Variants in KIAA1755 observed in about 807,000 individuals in gnomAD.
The protein encoded by KIAA1755 is uncharacterized protein KIAA1755.
KIAA1755 carries 68 observed loss-of-function variants against 91.7 expected under a neutral mutation model. The observed-to-expected ratio is 0.74, with a 90% CI of 0.61 to 0.91. The LOEUF is 0.91. KIAA1755 is among the 40% of genes least tolerant of loss of function. The pLI, the probability that KIAA1755 is intolerant of heterozygous loss-of-function variation, is 0.00. For synonymous variants in KIAA1755, 610 were observed against 604.6 expected (o/e 1.01, Z -0.13); for missense variants, 1,535 against 1,494.4 (o/e 1.03, Z -0.45).
intron 1 of KIAA1755, among the ~76,000 whole-genome samples, chr20:38,250,500 G>GTC (rs2076230647): frequency 7.2e-6 from 1 of 138,102 alleles, no homozygotes; most frequent in African/African-American, 2.7e-5. Context: ...GTGTGTGTGT[G>GTC]TGTGTGTGTG....
intron 1 of KIAA1755, among the ~76,000 whole-genome samples, chr20:38,257,271 G>C (rs766078204): frequency 3.9e-4 from 60 of 152,244 alleles, no homozygotes; most frequent in Middle Eastern, 6.8e-3. Context: ...CAGGTATGTG[G>C]GCAATGTTGA....
In KIAA1755 at chr20:38,247,744, C is replaced by A. The variant is rs144247677; in HGVS notation, c.4-1618G>T. Among the ~76,000 whole-genome samples the A allele has an allele frequency of 3.3e-5, 5 of 152,288 alleles. No individual in the cohort carries two copies. The East Asian group carries it at 7.7e-4, about 24-fold the overall frequency. The stretch of plus-strand genomic sequence containing the variant: ...CCATCCTGGATTAGACAAATGGGCC[C>A]AGTGTAATCACCAGGTGGAAGAGGA... On this transcript the variant is annotated intron_variant, in intron 1 of 13. Transcript: ENST00000279024.
intron 5 of KIAA1755, among the ~76,000 whole-genome samples, chr20:38,230,376 T>C (rs1205416): frequency 0.95 from 143,979 of 152,298 alleles, 68,085 homozygotes; most frequent in East Asian, 1. Context: ...AAGCCTTCCC[T>C]GATTTCCCAA....
intron 13 of KIAA1755, 197 bp downstream of exon 13, chr20:38,217,056 C>A (rs1281374268): frequency 1.6e-6 from 1 of 640,208 alleles, no homozygotes; most frequent in Non-Finnish European, 2.8e-6. Flanking sequence ...GTATCCCTGT[C>A]CCTGCTGTGC....
chr20:38,255,635 G>T (rs2076328362), intron 1 of KIAA1755, among the ~76,000 whole-genome samples: 1 of 152,186 alleles, frequency 6.6e-6, no homozygotes. Context: ...TGGCTGCCAG[G>T]AAGTTCTTGC....
At chr20:38,215,977 C>A (rs966574087) in intron 13 of KIAA1755, among the ~76,000 whole-genome samples, 1 of 152,116 alleles carries the variant, frequency 6.6e-6, no homozygotes, top group African/African-American at 2.4e-5. Flanking sequence ...AGCTGTGTGA[C>A]CCTGGGTGAG....
chr20:38,213,277 G>A lies in KIAA1755; in HGVS notation c.3368C>T (p.Ala1123Val), dbSNP rs867311806. ...PRGEQNRTFQ[A>V]GSPPQEAGQA... ...GCCAGCTTCCTGGGGTGGAGAGCCTGCCTGGAAAGTTCTGTTCTGTTCCCC... is the reference window on the plus strand; with the variant it reads ...GCCAGCTTCCTGGGGTGGAGAGCCTACCTGGAAAGTTCTGTTCTGTTCCCC... Residue 1123 changes from alanine (A) to valine (V), a missense_variant, in exon 14 of 14, where the codon GCA becomes GTA. Coordinates refer to ENST00000279024, the MANE Select transcript of KIAA1755 (RefSeq NM_001029864.2). 1.9e-6 allele frequency: 3 copies of A among 1,613,594 alleles called. No individual in the cohort carries two copies. The African/African-American group carries it at 4.0e-5, about 22-fold the overall frequency.
Position 38,245,919 on chromosome 20 carries a change from CTT to C in KIAA1755, c.201+8_201+9del. The C allele has an allele frequency of 6.2e-7, 1 of 1,613,868 alleles. No homozygotes were observed. Among genetic ancestry groups the C allele is most frequent in the Middle Eastern group, 1.7e-4 (1 of 6,060 alleles). ...GCTTGTTCCCTGTCCCTGTTTCCCT[CTT>C]GACTTACACAGGCTGCTTCTCGCAC... On this transcript the variant is annotated splice_region_variant and intron_variant, in intron 2 of 13. Coordinates refer to ENST00000279024, the MANE Select transcript of KIAA1755 (RefSeq NM_001029864.2).
In KIAA1755 at chr20:38,241,634, A is replaced by G. The variant is rs758828426; in HGVS notation, c.497T>C (p.Leu166Ser). The G allele has an allele frequency of 2.5e-6, 4 of 1,614,104 alleles. No individual in the cohort carries two copies. Among genetic ancestry groups the G allele is most frequent in the Non-Finnish European group, 3.4e-6 (4 of 1,180,032 alleles). Residue 166 changes from leucine to serine, a missense_variant, in exon 3 of 14, where the codon TTG (leucine) becomes TCG (serine). Leu to Ser is a moderately radical substitution (Grantham distance 145). Coordinates refer to ENST00000279024, the MANE Select transcript of KIAA1755 (RefSeq NM_001029864.2). ...DFEGNPLHNC[L>S]VASENGIAPV... ...GGCAATCCCATTTTCTGATGCTACCAAGCAGTTGTGTAGGGGATTTCCCTC... is the reference window on the plus strand; with the variant it reads ...GGCAATCCCATTTTCTGATGCTACCGAGCAGTTGTGTAGGGGATTTCCCTC...
chr20:38,233,107 T>A (rs553964670), intron 4 of KIAA1755: 1 of 152,196 alleles, frequency 6.6e-6, no homozygotes, highest in South Asian at 2.1e-4. Context: ...GGTGACAGAG[T>A]GAGACCTTGT....
intron 1 of KIAA1755, among the ~76,000 whole-genome samples, chr20:38,259,554 A>G (rs2076402574): frequency 6.9e-6 from 1 of 145,330 alleles, no homozygotes; most frequent in Admixed American, 7.0e-5. Flanking sequence ...AGAGAGTATG[A>G]ACACCTCTAT....
chr20:38,241,517 G>T lies in KIAA1755; in HGVS notation c.614C>A (p.Pro205Gln). Residue 205 changes from proline (P) to glutamine (Q), a missense_variant, in exon 3 of 14, where the codon CCA becomes CAA. Transcript: ENST00000279024. Reference protein sequence around the residue: ...NALCQAWGPLPLEALDLSSPQ... With the variant: ...NALCQAWGPLQLEALDLSSPQ... Reference sequence around the variant, plus strand: ...GCTGCTCAAATCCAGTGCCTCTAATGGAAGGGGCCCCCAGGCTTGGCAGAG... The same window carrying T: ...GCTGCTCAAATCCAGTGCCTCTAATTGAAGGGGCCCCCAGGCTTGGCAGAG... 4 of 1,614,236 alleles carry T rather than the reference G, an allele frequency of 2.5e-6. No individual in the cohort carries two copies. Among genetic ancestry groups the T allele is most frequent in the Non-Finnish European group, 3.4e-6 (4 of 1,180,040 alleles).
At position 38,260,625 on chromosome 20, in the gene KIAA1755, A is replaced by C; in HGVS notation, c.-125T>G. On this transcript the variant is annotated 5_prime_UTR_variant, in exon 1 of 14. Transcript: ENST00000279024. ...TAGCCCTGGAGCCAGGGGATAGGGC[A>C]GGCCCGGGGCACCGACCCCGGCGTC... 1 of 1,228,732 alleles carries C rather than the reference A, an allele frequency of 8.1e-7. No individual in the cohort carries two copies. The allele number at this position is 1,228,732 out of a possible 1,614,324, so 76.1% of individuals were successfully genotyped here.
chr20:38,213,692 C>A lies in KIAA1755; in HGVS notation c.2953G>T (p.Asp985Tyr). Reference sequence around the variant, plus strand: ...CCAGGACTGACCCTTGAGGTCTTGTCCAGCCTGAGCTGGGCCATCAGGTCC... The same window carrying A: ...CCAGGACTGACCCTTGAGGTCTTGTACAGCCTGAGCTGGGCCATCAGGTCC... ...CQDLMAQLRL[D>Y]KTSRVSPGDQ... Residue 985 changes from aspartate (D) to tyrosine (Y), a missense_variant, in exon 14 of 14, where the codon GAC (aspartate) becomes TAC (tyrosine). Coordinates refer to ENST00000279024, the MANE Select transcript of KIAA1755 (RefSeq NM_001029864.2). The A allele has an allele frequency of 1.3e-6, 2 of 1,548,568 alleles. No homozygotes were observed. The highest frequency in any genetic ancestry group is 2.3e-5 in the East Asian group (1 of 43,958).
At chr20:38,220,469 C>T (rs1482463852) in intron 10 of KIAA1755, among the ~76,000 whole-genome samples, 2 of 152,232 alleles carry the variant, frequency 1.3e-5, no homozygotes, top group East Asian at 3.9e-4. Flanking sequence ...CACGCACCAC[C>T]ATGCCGGGCT....
At chr20:38,226,127 T>G (rs1213138380) in intron 7 of KIAA1755, among the ~76,000 whole-genome samples, 1 of 152,224 alleles carries the variant, frequency 6.6e-6, no homozygotes, top group East Asian at 1.9e-4. Context: ...TGATGGAAGC[T>G]GGCCCTTGTG....
chr20:38,241,851 G>A lies in KIAA1755; in HGVS notation c.280C>T (p.Pro94Ser). 1 of 1,614,108 alleles carries A rather than the reference G, an allele frequency of 6.2e-7. No individual in the cohort carries two copies. The highest frequency in any genetic ancestry group is 2.2e-5 in the East Asian group (1 of 44,892). Residue 94 changes from proline to serine, a missense_variant, in exon 3 of 14, where the codon CCC becomes TCC. Physicochemically the swap from Pro to Ser is moderately conservative, Grantham distance 74. Coordinates refer to ENST00000279024, the MANE Select transcript of KIAA1755 (RefSeq NM_001029864.2). ...LRDEVVVHLA[P>S]LNPLLLRQGD... ...TGGCGCAATAAGAGAGGGTTGAGGG[G>A]TGCCAAGTGGACCACAACTTCATCC...
chr20:38,221,960 GGCC>G (rs2075667128), intron 10 of KIAA1755, among the ~76,000 whole-genome samples: 1 of 152,156 alleles, frequency 6.6e-6, no homozygotes, highest in South Asian at 2.1e-4. Flanking sequence ...GGAAAGGCAG[GGCC>G]GGGTAGGGGT....
rs1305171522 is a variant in KIAA1755, at chr20:38,213,754, A to C, written c.2902-11T>G. 2 of 1,449,064 alleles carry C rather than the reference A, an allele frequency of 1.4e-6. No homozygotes were observed. The highest frequency in any genetic ancestry group is 1.4e-5 in the African/African-American group (1 of 70,690). The allele number at this position is 1,449,064 out of a possible 1,614,324, so 89.8% of individuals were successfully genotyped here. A position where few individuals can be genotyped will look rare whatever the true frequency, so the allele number is the denominator to read the frequency against. On this transcript the variant is annotated splice_polypyrimidine_tract_variant and intron_variant, in intron 13 of 13. Coordinates refer to ENST00000279024, the MANE Select transcript of KIAA1755 (RefSeq NM_001029864.2). ...GTGGAACCAGGTCATCTGGGGGACA[A>C]GAAGAGAGGGAGGTGGGGGCTCAGG...
Sources: gnomAD v4.1 joint callset for allele counts (sites outside exome capture counted in the v4.1 genomes callset) on GRCh38, gnomAD v4.1.1 for gene constraint, MANE v1.5 for transcripts, NCBI Gene and HGNC (gene_info 2026-07-23, HGNC 2026-07-21) for gene names.